Variants in CIITA observed in about 807,000 individuals in gnomAD.
The protein encoded by CIITA is MHC class II transactivator.
CIITA carries 72 observed loss-of-function variants against 115.1 expected under a neutral mutation model. That is an observed-to-expected ratio of 0.63 (90% confidence interval 0.52 to 0.76). The LOEUF (loss-of-function observed/expected upper bound fraction) is 0.76. CIITA is among the 30% of genes least tolerant of loss of function. The pLI, the probability that CIITA is intolerant of heterozygous loss-of-function variation, is 0.00. For missense variants in CIITA, 1,617 were observed against 1,463.8 expected, an observed-to-expected ratio of 1.10 and a Z score of -1.71; for synonymous variants, 763 against 635.6, an observed-to-expected ratio of 1.20 and a Z score of -3.02.
At chr16:10,889,171 A>G (rs2037275710) in intron 1 of CIITA, among the ~76,000 whole-genome samples, 1 of 152,156 alleles carries the variant, frequency 6.6e-6, no homozygotes, top group African/African-American at 2.4e-5. Flanking sequence ...CTCTCCTGCC[A>G]CGGGATGATC....
Position 10,908,140 on chromosome 16 carries a change from C to T in CIITA, c.2648C>T (p.Thr883Ile), listed in dbSNP as rs895427957. The T allele has an allele frequency of 2.6e-6, 4 of 1,566,388 alleles. No individual in the cohort carries two copies. Among genetic ancestry groups the T allele is most frequent in the Non-Finnish European group, 3.5e-6 (4 of 1,155,278 alleles). Residue 883 changes from threonine to isoleucine, a missense_variant, in exon 11 of 20, where the codon ACC becomes ATC. Physicochemically the swap from Thr to Ile is moderately conservative, Grantham distance 89. Transcript: ENST00000324288. ...LGSLVGLSCV[T>I]RFRAALSDTV... is the part of the protein sequence containing the mutation. The stretch of plus-strand genomic sequence containing the variant: ...AGCCTCGTGGGACTCAGCTGTGTCA[C>T]CCGTTTCAGGTGGGGTGAGGGGCTT...
At chr16:10,877,839 G>A (rs1015410284) in intron 1 of CIITA, among the ~76,000 whole-genome samples, 1 of 152,240 alleles carries the variant, frequency 6.6e-6, no homozygotes, top group Non-Finnish European at 1.5e-5. Context: ...AGCAGCTGGG[G>A]AGAGCTGGCG....
rs770764866 is a variant in CIITA at position 10,907,791 on chromosome 16, G to A, written c.2299G>A (p.Ala767Thr). ...FLAGLIFQPP[A>T]RCLGALLGPS... ...GGCTGGGCTGATCTTCCAGCCTCCC[G>A]CCCGCTGCCTGGGAGCCCTACTCGG... is the stretch of plus-strand genomic sequence containing the variant. The change falls in exon 11 of 20, where the codon GCC becomes ACC. Residue 767 changes from alanine to threonine, a missense_variant. Physicochemically the swap from Ala to Thr is moderately conservative, Grantham distance 58 (BLOSUM62 0). Transcript: ENST00000324288. This position sits in a 1 kb window ranked among gnomAD's most constrained non-coding sequence, Gnocchi z 5.0. 3.1e-5 allele frequency: 50 copies of A among 1,614,036 alleles called. No homozygotes were observed. Among genetic ancestry groups the A allele is most frequent in the African/African-American group, 2.1e-4 (16 of 74,926 alleles).
chr16:10,866,661 G>A (rs1029750483), intron 1 of CIITA: 1 of 392,778 alleles, frequency 2.5e-6, no homozygotes, highest in African/African-American at 2.1e-5. Flanking sequence ...GAAGTCAATG[G>A]GAAGGCAGAC....
At chr16:10,874,494 C>A (rs532705688), upstream of CIITA, among the ~76,000 whole-genome samples, 1 of 152,198 alleles carries the variant, frequency 6.6e-6, no homozygotes, top group South Asian at 2.1e-4. Flanking sequence ...CAGCTCCTGG[C>A]TGGGTACCAC....
At position 10,924,713 on chromosome 16, in the gene CIITA, G is replaced by T. The variant is rs903350973; in HGVS notation, c.*858G>T. On this transcript the variant is annotated 3_prime_UTR_variant, in exon 20 of 20. Transcript: ENST00000324288. The stretch of plus-strand genomic sequence containing the variant: ...CAATGCACTGACATTGTTGGCCAAA[G>T]CCAAAGCTAGGCCTGGCCAGATGCA... The T allele has an allele frequency of 1.3e-5, 2 of 152,258 alleles. No individual in the cohort carries two copies. The highest frequency in any genetic ancestry group is 2.9e-5 in the Non-Finnish European group (2 of 68,058). 9.4% of individuals were successfully genotyped at this position (152,258 alleles called of 1,614,324 possible). A position where few individuals can be genotyped will look rare whatever the true frequency, so the allele number is the denominator to read the frequency against.
At chr16:10,918,628 G>A in intron 16 of CIITA, 102 bp downstream of exon 16, 1 of 970,680 alleles carries the variant, frequency 1.0e-6, no homozygotes, top group Non-Finnish European at 1.6e-6. Context: ...GACCCTAGAA[G>A]CAATCACCAC....
At chr16:10,937,111 T>A (rs1176087564), downstream of CIITA, 1 of 152,192 alleles carries the variant, frequency 6.6e-6, no homozygotes, top group Non-Finnish European at 1.5e-5. This position sits in a 1 kb window ranked among gnomAD's most constrained non-coding sequence, Gnocchi z 4.2. Context: ...ATACTGGGGT[T>A]TTCTCCTGTC....
rs2040471171 is a variant in CIITA at position 10,924,961 on chromosome 16, G to C, written c.*1106G>C. 1 of 152,236 alleles carries C rather than the reference G, an allele frequency of 6.6e-6. No homozygotes were observed. Among genetic ancestry groups the C allele is most frequent in the Non-Finnish European group, 1.5e-5 (1 of 68,052 alleles). 9.4% of individuals were successfully genotyped at this position (152,236 alleles called of 1,614,324 possible). On this transcript the variant is annotated 3_prime_UTR_variant, in exon 20 of 20. Coordinates refer to ENST00000324288, the MANE Select transcript of CIITA (RefSeq NM_000246.4). ...TAACAAGCCACCCCAAATCATAGTG[G>C]CTTAAAACAACACTCACATTTATTC...
intron 15 of CIITA, chr16:10,916,869 C>T (rs867892926): frequency 6.6e-5 from 25 of 379,310 alleles, no homozygotes; most frequent in Middle Eastern, 7.5e-4. Context: ...TTAAGGAGGA[C>T]CTACTATGTG....
In CIITA at chr16:10,923,374, G is replaced by A. The variant is rs1023379369; in HGVS notation, c.*22+49G>A. 2.1e-6 allele frequency: 3 copies of A among 1,437,298 alleles called. No individual in the cohort carries two copies. The highest frequency in any genetic ancestry group is 2.9e-6 in the Non-Finnish European group (3 of 1,022,300). The allele number at this position is 1,437,298 out of a possible 1,614,324, so 89.0% of individuals were successfully genotyped here. ...GGAGAGCCGCAGTGGGTTGGGGGCA[G>A]TGTCCTTGTGAAGGTGGCATTCAAA... On this transcript the variant is annotated intron_variant, in intron 19 of 19. Transcript: ENST00000324288. The surrounding 1 kb of genome is among the most constrained non-coding windows in gnomAD (Gnocchi z 5.2).
rs768430228 is a variant in CIITA at position 10,907,603 on chromosome 16, C to A, written c.2111C>A (p.Ser704Tyr). ...CAACACCCACCGCGGGCCGCAGAGTCCGAGCTGGCCTTCCCCAGCTTCCTC... is the reference window on the plus strand; with the variant it reads ...CAACACCCACCGCGGGCCGCAGAGTACGAGCTGGCCTTCCCCAGCTTCCTC... ...LVQHPPRAAE[S>Y]ELAFPSFLLQ... is the part of the protein sequence containing the mutation. The change falls in exon 11 of 20, where the codon TCC (serine) becomes TAC (tyrosine). Residue 704 changes from serine to tyrosine, a missense_variant. Coordinates refer to ENST00000324288, the MANE Select transcript of CIITA (RefSeq NM_000246.4). The surrounding 1 kb of genome is among the most constrained non-coding windows in gnomAD (Gnocchi z 5.0). The A allele has an allele frequency of 1.2e-6, 2 of 1,614,242 alleles. No homozygotes were observed. Among genetic ancestry groups the A allele is most frequent in the South Asian group, 1.1e-5 (1 of 91,088 alleles).
intron 1 of CIITA, among the ~76,000 whole-genome samples, chr16:10,880,959 T>A (rs2036360450): frequency 2.6e-5 from 4 of 152,070 alleles, no homozygotes; most frequent in Admixed American, 2.6e-4. Flanking sequence ...TTATTATAGA[T>A]CCTAAAGGGA....
intron 1 of CIITA, among the ~76,000 whole-genome samples, chr16:10,882,325 G>C (rs774782634): frequency 4.6e-5 from 7 of 152,214 alleles, no homozygotes; most frequent in South Asian, 2.1e-4. Context: ...CCGGATGAGA[G>C]GAAAGACCTG....
intron 1 of CIITA, among the ~76,000 whole-genome samples, chr16:10,894,096 C>T: frequency 6.6e-6 from 1 of 152,198 alleles, no homozygotes; most frequent in South Asian, 2.1e-4. Context: ...AAGCGATTCT[C>T]CTGTCTCAGC....
At chr16:10,902,522 C>A (rs1264614895) in intron 7 of CIITA, 136 bp from the exon 8 acceptor site, 22 of 1,080,224 alleles carry the variant, frequency 2.0e-5, no homozygotes, top group Non-Finnish European at 2.9e-5. Context: ...TCCATCAGGG[C>A]AGGACAGAAA....
At chr16:10,902,926 C>T in intron 8 of CIITA, 125 bp downstream of exon 8, 1 of 1,167,340 alleles carries the variant, frequency 8.6e-7, no homozygotes, top group Non-Finnish European at 1.2e-6. Context: ...TCCTCCCTCC[C>T]CAGCACAACT....
chr16:10,907,359 G>A lies in CIITA; in HGVS notation c.1867G>A (p.Ala623Thr). Residue 623 changes from alanine to threonine, a missense_variant, in exon 11 of 20, where the codon GCC (alanine) becomes ACC (threonine). Ala to Thr is a moderately conservative substitution (Grantham distance 58). Coordinates refer to ENST00000324288, the MANE Select transcript of CIITA (RefSeq NM_000246.4). This position sits in a 1 kb window ranked among gnomAD's most constrained non-coding sequence, Gnocchi z 5.0. ...CCGGGCAGTGTGCCAGCTCTCAGAG[G>A]CCCTGCTGGAGCTTGGGGAGGACGC... Reference protein sequence around the residue: ...LCRAVCQLSEALLELGEDAKL... With the variant: ...LCRAVCQLSETLLELGEDAKL... 1 of 1,613,512 alleles carries A rather than the reference G, an allele frequency of 6.2e-7. No individual in the cohort carries two copies. The highest frequency in any genetic ancestry group is 1.1e-5 in the South Asian group (1 of 91,086).
chr16:10,917,947 G>A (rs2040048783), intron 15 of CIITA, among the ~76,000 whole-genome samples: 1 of 152,186 alleles, frequency 6.6e-6, no homozygotes, highest in Non-Finnish European at 1.5e-5. Flanking sequence ...AGGTAACACT[G>A]TAAGCTAGAT....
Sources: allele counts gnomAD v4.1 joint callset (sites outside exome capture counted in the v4.1 genomes callset), GRCh38; gene constraint gnomAD v4.1.1; non-coding constraint Gnocchi (gnomAD v3.1); transcripts MANE v1.5; gene names NCBI Gene and HGNC (gene_info 2026-07-23, HGNC 2026-07-21).